Variants in SIAH3 observed in about 807,000 individuals in gnomAD.
SIAH3 encodes siah E3 ubiquitin protein ligase family member 3, also known as seven in absentia homolog 3.
Under a neutral mutation model 12.6 loss-of-function variants are expected in SIAH3, and 9 were observed. The observed-to-expected ratio is 0.72, with a 90% CI of 0.43 to 1.25. The LOEUF (loss-of-function observed/expected upper bound fraction) is 1.25, where lower values mean the gene tolerates loss of function less well. Ranked by LOEUF, SIAH3 falls within the 50% of genes most tolerant of loss-of-function variation. The pLI, the probability that SIAH3 is intolerant of heterozygous loss-of-function variation, is 0.00. For missense variants in SIAH3, 390 were observed against 365.4 expected (o/e 1.07, Z -0.55); for synonymous variants, 154 against 151.1 (o/e 1.02, Z -0.14).
intron 1 of SIAH3, among the ~76,000 whole-genome samples, chr13:45,791,419 G>C (rs1417658261): frequency 6.6e-6 from 1 of 152,158 alleles, no homozygotes; most frequent in Non-Finnish European, 1.5e-5. Context: ...TCCCTGTTTT[G>C]GACCACATCA....
At position 45,779,729 on chromosome 13, in the gene SIAH3, G is replaced by A. The variant is rs541666019; in HGVS notation, c.*3654C>T. The stretch of plus-strand genomic sequence containing the variant: ...CTATATTCAAAGTACGCAGCCTACT[G>A]GATCATATAGAAAAGCCTCAATAAG... On this transcript the variant is annotated 3_prime_UTR_variant, in exon 2 of 2. Coordinates refer to ENST00000400405, the MANE Select transcript of SIAH3 (RefSeq NM_198849.3). 7.2e-5 allele frequency: 11 copies of A among 152,270 alleles called. No homozygotes were observed. Among genetic ancestry groups the A allele is most frequent in the African/African-American group, 2.4e-4 (10 of 41,538 alleles). The allele number at this position is 152,270 out of a possible 1,614,324, so 9.4% of individuals were successfully genotyped here. A position where few individuals can be genotyped will look rare whatever the true frequency, so the allele number is the denominator to read the frequency against.
At chr13:45,784,396 C>CTTTT (rs1555256292) in intron 1 of SIAH3, among the ~76,000 whole-genome samples, 40 of 102,006 alleles carry the variant, frequency 3.9e-4, no homozygotes, top group Non-Finnish European at 4.6e-4. Context: ...ACAAAGACAG[C>CTTTT]TGTTTTTTTT....
At chr13:45,811,536 C>T (rs1239026489) in intron 1 of SIAH3, among the ~76,000 whole-genome samples, 1 of 152,124 alleles carries the variant, frequency 6.6e-6, no homozygotes, top group Non-Finnish European at 1.5e-5. Flanking sequence ...GATCAAGGCT[C>T]ACTGCATCCT....
At chr13:45,824,370 G>A (rs780043044) in intron 1 of SIAH3, among the ~76,000 whole-genome samples, 2 of 152,182 alleles carry the variant, frequency 1.3e-5, no homozygotes, top group African/African-American at 2.4e-5. Flanking sequence ...CACAGGACCT[G>A]CCCCCCTTGC....
At chr13:45,807,825 AT>A in intron 1 of SIAH3, among the ~76,000 whole-genome samples, 1 of 152,352 alleles carries the variant, frequency 6.6e-6, no homozygotes, top group Non-Finnish European at 1.5e-5. Context: ...ACAAGAGCTA[AT>A]TGTTGAAGTT....
At chr13:45,787,486 G>C (rs551314829) in intron 1 of SIAH3, among the ~76,000 whole-genome samples, 1 of 152,188 alleles carries the variant, frequency 6.6e-6, no homozygotes, top group Non-Finnish European at 1.5e-5. Context: ...AGCACCAAGT[G>C]GGGGAGGTAG....
At chr13:45,845,961 G>A (rs552449069) in intron 1 of SIAH3, among the ~76,000 whole-genome samples, 1 of 152,138 alleles carries the variant, frequency 6.6e-6, no homozygotes, top group Admixed American at 6.5e-5. Context: ...GTACAGGAAG[G>A]GGACCCTTGC....
At chr13:45,804,513 C>T (rs1368089884) in intron 1 of SIAH3, among the ~76,000 whole-genome samples, 4 of 151,950 alleles carry the variant, frequency 2.6e-5, no homozygotes, top group African/African-American at 4.8e-5. Context: ...TGTGCAACTC[C>T]GTGAATATAC....
intron 1 of SIAH3, among the ~76,000 whole-genome samples, chr13:45,821,763 A>C (rs974673625): frequency 3.3e-5 from 5 of 152,192 alleles, no homozygotes; most frequent in African/African-American, 9.7e-5. Flanking sequence ...GTTGAAAATC[A>C]ATGAGAGTGG....
chr13:45,821,349 A>T (rs780450595), intron 1 of SIAH3, among the ~76,000 whole-genome samples: 2 of 152,236 alleles, frequency 1.3e-5, no homozygotes, highest in Non-Finnish European at 2.9e-5. Flanking sequence ...CAACACCTGG[A>T]CTGTGAGACA....
chr13:45,828,827 C>A (rs1247554912), intron 1 of SIAH3, among the ~76,000 whole-genome samples: 1 of 152,148 alleles, frequency 6.6e-6, no homozygotes, highest in African/African-American at 2.4e-5. Flanking sequence ...GCTTACCATG[C>A]AGAAAAGCCA....
intron 1 of SIAH3, among the ~76,000 whole-genome samples, chr13:45,794,230 C>A (rs1402503580): frequency 6.6e-6 from 1 of 152,016 alleles, no homozygotes; most frequent in Admixed American, 6.6e-5. Flanking sequence ...GTAGCTGGGA[C>A]TACAGGCACT....
intron 1 of SIAH3, among the ~76,000 whole-genome samples, chr13:45,789,291 T>A (rs1950537559): frequency 1.3e-5 from 2 of 152,234 alleles, no homozygotes; most frequent in African/African-American, 4.8e-5. Context: ...AGTATGAGCA[T>A]GTCTGCAATT....
chr13:45,796,115 T>C (rs1050199071), intron 1 of SIAH3, among the ~76,000 whole-genome samples: 2 of 152,198 alleles, frequency 1.3e-5, no homozygotes, highest in Non-Finnish European at 2.9e-5. Flanking sequence ...GGGCTGGAAA[T>C]ATAACTCGTG....
At chr13:45,814,187 C>T (rs184220633) in intron 1 of SIAH3, among the ~76,000 whole-genome samples, 3 of 140,092 alleles carry the variant, frequency 2.1e-5, no homozygotes, top group Non-Finnish European at 3.0e-5. Context: ...TGCAGTGAGC[C>T]GAGATGGCAC....
chr13:45,787,829 C>T (rs1421922528), intron 1 of SIAH3, among the ~76,000 whole-genome samples: 2 of 152,194 alleles, frequency 1.3e-5, no homozygotes, highest in South Asian at 2.1e-4. Context: ...TAGCACAATG[C>T]CCCCTACGCC....
chr13:45,796,676 C>T (rs774062567), intron 1 of SIAH3, among the ~76,000 whole-genome samples: 3 of 152,240 alleles, frequency 2.0e-5, no homozygotes, highest in Non-Finnish European at 4.4e-5. Flanking sequence ...GACTTGGCGG[C>T]TAAGGACCAA....
rs1950499369 is a variant in SIAH3 at position 45,780,377 on chromosome 13, T to TC, written c.*3005dup. On this transcript the variant is annotated 3_prime_UTR_variant, in exon 2 of 2. Coordinates refer to ENST00000400405, the MANE Select transcript of SIAH3 (RefSeq NM_198849.3). The stretch of plus-strand genomic sequence containing the variant: ...ACCTCAACCTCCTGGGCTCAAGCCA[T>TC]CCCCCTGTCTTGGCCTCCGAGTAGT... 6.6e-6 allele frequency: 1 copy of TC among 151,764 alleles called. No individual in the cohort carries two copies. The highest frequency in any genetic ancestry group is 1.5e-5 in the Non-Finnish European group (1 of 68,048). The allele number at this position is 151,764 out of a possible 1,614,324, so 9.4% of individuals were successfully genotyped here.
chr13:45,807,277 T>TAAA (rs35328551), intron 1 of SIAH3, among the ~76,000 whole-genome samples: 2 of 142,926 alleles, frequency 1.4e-5, no homozygotes, highest in African/African-American at 2.6e-5. Flanking sequence ...ACCAGAATAC[T>TAAA]AAAAAAAAAA....
Sources: gnomAD v4.1 joint callset for allele counts (sites outside exome capture counted in the v4.1 genomes callset) on GRCh38, gnomAD v4.1.1 for gene constraint, MANE v1.5 for transcripts, NCBI Gene and HGNC (gene_info 2026-07-23, HGNC 2026-07-21) for gene names.